ARHGAP25: variants seen among roughly 807,000 people sequenced by gnomAD.
ARHGAP25 encodes the protein rho GTPase-activating protein 25.
Under a neutral mutation model 71.0 loss-of-function variants are expected in ARHGAP25, and 34 were observed. The ratio of observed to expected loss-of-function variants is 0.48; its 90% confidence interval spans 0.36 to 0.64. ARHGAP25 has a LOEUF of 0.64. ARHGAP25 is among the 30% of genes least tolerant of loss of function. The probability of loss-of-function intolerance (pLI) is 0.00; values close to 1 mark genes in which losing one functional copy is unlikely to be tolerated. For missense variants in ARHGAP25, 706 were observed against 805.1 expected, an observed-to-expected ratio of 0.88 and a Z score of 1.49; for synonymous variants, 282 against 296.5, an observed-to-expected ratio of 0.95 and a Z score of 0.50.
chr2:68,802,300 C>T (rs1014367358), intron 4 of ARHGAP25, among the ~76,000 whole-genome samples: 32 of 145,202 alleles, frequency 2.2e-4, no homozygotes, highest in African/African-American at 7.1e-4. Context: ...CCCAGCTACT[C>T]GGGAGGCTTA....
At chr2:68,823,286 T>C (rs955925704) in intron 10 of ARHGAP25, among the ~76,000 whole-genome samples, 1 of 141,430 alleles carries the variant, frequency 7.1e-6, no homozygotes, top group Admixed American at 7.1e-5. Flanking sequence ...CAAAAGTCCC[T>C]GCACTTACAG....
chr2:68,741,013 C>T (rs983606092), intron 1 of ARHGAP25, among the ~76,000 whole-genome samples: 1 of 152,226 alleles, frequency 6.6e-6, no homozygotes, highest in African/African-American at 2.4e-5. Context: ...GAGAGTAACA[C>T]ATATGCTGAG....
intron 4 of ARHGAP25, among the ~76,000 whole-genome samples, chr2:68,802,880 TATCA>T (rs1194425837): frequency 2.0e-5 from 3 of 151,840 alleles, no homozygotes; most frequent in Non-Finnish European, 1.5e-5. Context: ...AAATTATATC[TATCA>T]ATCCATATGT....
intron 1 of ARHGAP25, among the ~76,000 whole-genome samples, chr2:68,739,424 G>A (rs1469400060): frequency 1.3e-5 from 2 of 152,182 alleles, no homozygotes; most frequent in Non-Finnish European, 2.9e-5. Context: ...CATCCAATGG[G>A]AGAACTCTGT....
At chr2:68,754,620 T>C (rs1464317402) in intron 1 of ARHGAP25, among the ~76,000 whole-genome samples, 3 of 152,236 alleles carry the variant, frequency 2.0e-5, no homozygotes, top group Non-Finnish European at 4.4e-5. Flanking sequence ...TGCTGGATCA[T>C]ATGATAGGTA....
At chr2:68,800,194 A>G (rs1253276642) in intron 4 of ARHGAP25, among the ~76,000 whole-genome samples, 1 of 149,844 alleles carries the variant, frequency 6.7e-6, no homozygotes, top group South Asian at 2.2e-4. Flanking sequence ...CACAGTGTGT[A>G]TGGGGGTGGG....
intron 1 of ARHGAP25, among the ~76,000 whole-genome samples, chr2:68,744,255 T>C (rs906332095): frequency 6.6e-6 from 1 of 152,122 alleles, no homozygotes; most frequent in African/African-American, 2.4e-5. Context: ...TCTGGATATA[T>C]ATATATTTTT....
rs958078986 is a variant in ARHGAP25 at position 68,807,464 on chromosome 2, C to T, written c.658C>T (p.Arg220Trp). ...GAGAGACGCTTTTGATGCTGGGGAG[C>T]GGCCCTCCTTTGACAGGTACATTGC... ...QLRDAFDAGERPSFDRDTDVH... is the reference protein window; with the variant it reads ...QLRDAFDAGEWPSFDRDTDVH... Residue 220 changes from arginine to tryptophan, a missense_variant, in exon 5 of 11, where the codon CGG becomes TGG. By Grantham distance (101) the Arg-to-Trp change is moderately radical. Transcript: ENST00000409202. 8.7e-6 allele frequency: 14 copies of T among 1,614,020 alleles called. No homozygotes were observed. Among genetic ancestry groups the T allele is most frequent in the Non-Finnish European group, 1.1e-5 (13 of 1,179,998 alleles).
chr2:68,741,383 C>T (rs1476681620), intron 1 of ARHGAP25, among the ~76,000 whole-genome samples: 1 of 152,138 alleles, frequency 6.6e-6, no homozygotes, highest in Admixed American at 6.5e-5. Flanking sequence ...TGCAGTGCTT[C>T]CTCCTTTCTA....
chr2:68,786,926 C>T (rs550562599), intron 3 of ARHGAP25, among the ~76,000 whole-genome samples: 1 of 152,330 alleles, frequency 6.6e-6, no homozygotes, highest in South Asian at 2.1e-4. Context: ...TTCTTGTCCC[C>T]GCTAAGACCT....
At chr2:68,757,353 C>T (rs964414899) in intron 1 of ARHGAP25, among the ~76,000 whole-genome samples, 1 of 152,038 alleles carries the variant, frequency 6.6e-6, no homozygotes, top group African/African-American at 2.4e-5. Context: ...AGACCCACAT[C>T]GAGATACACT....
chr2:68,780,282 G>A (rs1678230390), intron 2 of ARHGAP25, among the ~76,000 whole-genome samples: 1 of 152,156 alleles, frequency 6.6e-6, no homozygotes, highest in African/African-American at 2.4e-5. Context: ...ATGATTTTGG[G>A]TGTCAAAAGA....
At chr2:68,810,734 T>TTC (rs1165752822) in intron 5 of ARHGAP25, among the ~76,000 whole-genome samples, 2 of 76,120 alleles carry the variant, frequency 2.6e-5, no homozygotes, top group African/African-American at 8.4e-5. Flanking sequence ...TTCTTCTCTT[T>TTC]TTTTTTTTTT....
At chr2:68,809,143 G>A (rs535210908) in intron 5 of ARHGAP25, among the ~76,000 whole-genome samples, 10 of 152,226 alleles carry the variant, frequency 6.6e-5, no homozygotes, top group Admixed American at 5.9e-4. Flanking sequence ...ATTTAGGAGA[G>A]ACCAGGTCTT....
intron 4 of ARHGAP25, among the ~76,000 whole-genome samples, chr2:68,792,330 G>T (rs1324316412): frequency 2.6e-5 from 4 of 152,138 alleles, no homozygotes; most frequent in Admixed American, 2.0e-4. Context: ...TGTAGTAGTG[G>T]CCAGGTCTTT....
At chr2:68,774,713 T>G (rs1390056399) in intron 1 of ARHGAP25, 2 of 1,001,974 alleles carry the variant, frequency 2.0e-6, no homozygotes, top group Non-Finnish European at 2.4e-6. Context: ...GCTAACAGCT[T>G]CTGTCTTGCG....
chr2:68,752,577 G>A (rs72895916), intron 1 of ARHGAP25, among the ~76,000 whole-genome samples: 6,115 of 152,120 alleles, frequency 0.04, 386 homozygotes, highest in African/African-American at 0.14. Flanking sequence ...TTCCCCCTTG[G>A]ACATAGCCAA....
At position 68,826,205 on chromosome 2, in the gene ARHGAP25, A is replaced by G; in HGVS notation, c.*11A>G. 6.2e-7 allele frequency: 1 copy of G among 1,613,694 alleles called. No individual in the cohort carries two copies. Among genetic ancestry groups the G allele is most frequent in the Non-Finnish European group, 8.5e-7 (1 of 1,179,562 alleles). ...AAGACCGAGGCTTAAGGGTCCCAGG[A>G]GTACTGCAGGGACAGCCCCAGAGAG... On this transcript the variant is annotated 3_prime_UTR_variant, in exon 11 of 11. Coordinates refer to ENST00000409202, the MANE Select transcript of ARHGAP25 (RefSeq NM_001007231.3).
At chr2:68,753,084 G>T (rs1187079881) in intron 1 of ARHGAP25, among the ~76,000 whole-genome samples, 2 of 151,888 alleles carry the variant, frequency 1.3e-5, no homozygotes, top group African/African-American at 2.4e-5. Context: ...TGGATGGGGG[G>T]GGTGATAAAA....
Sources: gnomAD v4.1 joint callset for allele counts (sites outside exome capture counted in the v4.1 genomes callset) on GRCh38, gnomAD v4.1.1 for gene constraint, MANE v1.5 for transcripts, NCBI Gene and HGNC (gene_info 2026-07-23, HGNC 2026-07-21) for gene names.